Variants in SOX5 observed in about 807,000 individuals in gnomAD.
SOX5 encodes the protein SRY-box transcription factor 5.
SOX5 carries 9 observed loss-of-function variants against 92.0 expected under a neutral mutation model. The observed-to-expected ratio is 0.10, with a 90% CI of 0.06 to 0.17. The LOEUF is 0.17. Ranked by LOEUF, SOX5 falls within the 10% of genes least tolerant of loss-of-function variation. The pLI is 1.00. For missense variants in SOX5, 642 were observed against 944.5 expected, an observed-to-expected ratio of 0.68 and a Z score of 4.20; for synonymous variants, 344 against 336.3, an observed-to-expected ratio of 1.02 and a Z score of -0.25.
chr12:23,869,915 C>A (rs2081773184), intron 2 of SOX5, among the ~76,000 whole-genome samples: 1 of 152,112 alleles, frequency 6.6e-6, no homozygotes, highest in South Asian at 2.1e-4. Flanking sequence ...TCCATTTTCC[C>A]CACCAGACTG....
At chr12:24,054,844 A>C (rs1019929280) in intron 4 of SOX5, among the ~76,000 whole-genome samples, 4 of 152,186 alleles carry the variant, frequency 2.6e-5, no homozygotes, top group Non-Finnish European at 4.4e-5. Context: ...AAGAGGTATA[A>C]CCTTGTTTAA....
chr12:23,677,540 A>T (rs1339892820), intron 6 of SOX5, among the ~76,000 whole-genome samples: 1 of 152,212 alleles, frequency 6.6e-6, no homozygotes, highest in Admixed American at 6.6e-5. Context: ...AGCTGCAGAC[A>T]TGATCCGTAT....
chr12:23,768,008 G>A (rs1472457700), intron 3 of SOX5, among the ~76,000 whole-genome samples: 1 of 152,102 alleles, frequency 6.6e-6, no homozygotes, highest in African/African-American at 2.4e-5. Context: ...GGTAGGGAGG[G>A]CTCCAAGGAT....
chr12:23,805,146 C>T (rs1229101312), intron 3 of SOX5, among the ~76,000 whole-genome samples: 1 of 151,092 alleles, frequency 6.6e-6, no homozygotes, highest in Admixed American at 6.6e-5. Context: ...ATTAACTGTG[C>T]TCATCACATG....
chr12:23,661,509 C>T (rs535926157), intron 7 of SOX5, among the ~76,000 whole-genome samples: 9 of 152,150 alleles, frequency 5.9e-5, no homozygotes, highest in Non-Finnish European at 1.3e-4. Context: ...CTGACACCAA[C>T]ATGAACATTC....
At chr12:23,656,893 TTTTAG>T (rs986496297) in intron 7 of SOX5, among the ~76,000 whole-genome samples, 15 of 152,006 alleles carry the variant, frequency 9.9e-5, no homozygotes, top group African/African-American at 3.4e-4. Context: ...GGCAGATAAC[TTTTAG>T]TTTGTTTTCT....
At chr12:23,935,098 AAAACTG>A (rs1942261217) in intron 1 of SOX5, among the ~76,000 whole-genome samples, 1 of 151,232 alleles carries the variant, frequency 6.6e-6, no homozygotes, top group South Asian at 2.1e-4. Context: ...ATCCATCAGT[AAAACTG>A]AAAAATCAGT....
intron 7 of SOX5, 122 bp from the exon 8 acceptor site, chr12:23,641,019 A>G: frequency 1.6e-6 from 1 of 631,586 alleles, no homozygotes; most frequent in Non-Finnish European, 2.7e-6. Flanking sequence ...CCTAATGAAA[A>G]GCTCTATTGT....
At chr12:24,440,594 TTGTGTGTGTGTGTGTG>T (rs56082162) in intron 1 of SOX5, among the ~76,000 whole-genome samples, 38 of 139,730 alleles carry the variant, frequency 2.7e-4, no homozygotes, top group South Asian at 4.9e-4. Flanking sequence ...ACATGATCCT[TTGTGTGTGTGTGTGTG>T]TGTGTGTGTG....
chr12:23,854,018 C>A lies in SOX5; in HGVS notation c.271-7825G>T, dbSNP rs1336509570. ...TGTCATTCTCCTAAATCTCTAGAAC[C>A]TTTTTATTGTCGTTTTTAGTAAACT... is the stretch of plus-strand genomic sequence containing the variant. On this transcript the variant is annotated intron_variant, in intron 2 of 14. Transcript: ENST00000451604. 7.9e-5 allele frequency among the ~76,000 whole-genome samples: 12 copies of A among 152,152 alleles called. No individual in the cohort carries two copies. The East Asian group carries it at 2.3e-3, about 29-fold the overall frequency.
rs1946739516 is a variant in SOX5 at position 24,106,808 on chromosome 12, A to ATAATAATAATAATAATAATAATAT, written c.-2+106534_-2+106535insATATTATTATTATTATTATTATTA. 5.6e-5 allele frequency among the ~76,000 whole-genome samples: 8 copies of ATAATAATAATAATAATAATAATAT among 142,572 alleles called. No homozygotes were observed. In the South Asian group the frequency reaches 1.7e-3, roughly 31 times the overall value. The allele number at this position is 142,572 out of a possible 152,430, so 93.5% of individuals were successfully genotyped here. A position where few individuals can be genotyped will look rare whatever the true frequency, so the allele number is the denominator to read the frequency against. On this transcript the variant is annotated intron_variant, in intron 4 of 4. Transcript: ENST00000446891. ...CTCGTCTCAAATAATAATAATAATAATAATAATAATAATAATAATAATAAT... is the reference window on the plus strand; with the variant it reads ...CTCGTCTCAAATAATAATAATAATAATAATAATAATAATAATAATAATATTAATAATAATAATAATAATAATAAT...
Position 23,536,629 on chromosome 12 carries a change from T to C in SOX5, c.1812A>G (p.Pro604=), listed in dbSNP as rs1218224501. ...WKAMTNLEKQ[P]YYEEQARLSK... is the part of the protein sequence containing the mutation. ...TGAGACGGGCTTGCTCCTCATAATA[T>C]GGCTGTTTCTCTAGGTTTGTCATAG... Residue 604 remains proline (P), a synonymous_variant, in exon 14 of 15, where the codon CCA becomes CCG. Coordinates refer to ENST00000451604, the MANE Select transcript of SOX5 (RefSeq NM_006940.6). 6.2e-6 allele frequency: 10 copies of C among 1,614,170 alleles called. No homozygotes were observed. Among genetic ancestry groups the C allele is most frequent in the Non-Finnish European group, 8.5e-6 (10 of 1,180,018 alleles).
intron 1 of SOX5, among the ~76,000 whole-genome samples, chr12:24,511,047 G>A (rs1220611742): frequency 6.6e-6 from 1 of 152,184 alleles, no homozygotes; most frequent in Admixed American, 6.5e-5. Flanking sequence ...AATTCTGCGG[G>A]ACCAGGGAAT....
At chr12:24,552,285 A>C (rs1953270274) in intron 1 of SOX5, among the ~76,000 whole-genome samples, 1 of 152,262 alleles carries the variant, frequency 6.6e-6, no homozygotes, top group African/African-American at 2.4e-5. Flanking sequence ...TTCTGTGAGC[A>C]TCTTACTTAA....
intron 1 of SOX5, 107 bp downstream of exon 1, chr12:23,949,457 C>A: frequency 7.4e-7 from 1 of 1,360,234 alleles, no homozygotes; most frequent in Admixed American, 1.7e-5. Flanking sequence ...TAGCTAAAGG[C>A]TTCTCTAACA....
chr12:23,591,480 A>C (rs1951546290), intron 9 of SOX5, among the ~76,000 whole-genome samples: 1 of 152,148 alleles, frequency 6.6e-6, no homozygotes, highest in South Asian at 2.1e-4. Flanking sequence ...GATAGAACAG[A>C]TCAGAATTCT....
chr12:23,870,552 T>G (rs12579703), intron 2 of SOX5, among the ~76,000 whole-genome samples: 9,890 of 152,170 alleles, frequency 0.065, 435 homozygotes, highest in South Asian at 0.11. Context: ...GGAGTAATGT[T>G]AGGCTATACC....
chr12:24,449,380 G>A (rs1941948895), intron 1 of SOX5, among the ~76,000 whole-genome samples: 1 of 152,158 alleles, frequency 6.6e-6, no homozygotes, highest in Admixed American at 6.5e-5. Context: ...TGAGGATACT[G>A]AACTAACTGT....
rs532015689 is a variant in SOX5 at position 23,750,990 on chromosome 12, A to AAACTT, written c.568+4647_568+4648insAAGTT. ...TATAGACATTGTCAAACTTATTTTGAAAACTTATATTCTACGCGCCAGCAG... is the reference window on the plus strand; with the variant it reads ...TATAGACATTGTCAAACTTATTTTGAAACTTAAACTTATATTCTACGCGCCAGCAG... On this transcript the variant is annotated intron_variant, in intron 4 of 14. Coordinates refer to ENST00000451604, the MANE Select transcript of SOX5 (RefSeq NM_006940.6). 1.3e-3 allele frequency among the ~76,000 whole-genome samples: 204 copies of AAACTT among 152,036 alleles called. 1 individual carries two copies. The Middle Eastern group carries it at 0.014, about 10-fold the overall frequency.
Sources: allele counts gnomAD v4.1 joint callset (sites outside exome capture counted in the v4.1 genomes callset), GRCh38; gene constraint gnomAD v4.1.1; transcripts MANE v1.5; gene names NCBI Gene and HGNC (gene_info 2026-07-23, HGNC 2026-07-21).